The following GSK3B variants were observed in gnomAD, a reference collection of about 807,000 sequenced individuals.
GSK3B encodes the protein glycogen synthase kinase-3 beta.
A neutral mutation model predicts 56.4 loss-of-function variants in GSK3B; 15 were observed. That is an observed-to-expected ratio of 0.27 (90% confidence interval 0.18 to 0.41). The LOEUF (loss-of-function observed/expected upper bound fraction) is 0.41, where lower values mean the gene tolerates loss of function less well. Among genes scored for constraint, GSK3B ranks in the 10% least tolerant of loss-of-function variants. The pLI, the probability that GSK3B is intolerant of heterozygous loss-of-function variation, is 1.00. For synonymous variants in GSK3B, 181 were observed against 188.9 expected, an observed-to-expected ratio of 0.96 and a Z score of 0.34; for missense variants, 300 against 513.4, an observed-to-expected ratio of 0.58 and a Z score of 4.02.
intron 10 of GSK3B, among the ~76,000 whole-genome samples, chr3:119,830,790 C>T (rs771098247): frequency 1.2e-4 from 19 of 152,148 alleles, no homozygotes; most frequent in Middle Eastern, 3.2e-3. Context: ...TTTTGGAACA[C>T]GTTATTTAAT....
intron 1 of GSK3B, among the ~76,000 whole-genome samples, chr3:120,036,792 CAAAAAA>C (rs560163237): frequency 4.7e-5 from 3 of 64,336 alleles, no homozygotes; most frequent in South Asian, 1.2e-3. Context: ...GACTCCGACT[CAAAAAA>C]AAAAAAAAAA....
intron 2 of GSK3B, among the ~76,000 whole-genome samples, chr3:119,954,733 G>C (rs1023250151): frequency 1.3e-5 from 2 of 152,132 alleles, no homozygotes; most frequent in African/African-American, 2.4e-5. Context: ...CTCTAGAGTA[G>C]ACATGGAGGC....
chr3:119,910,290 C>T (rs897357082), intron 6 of GSK3B, among the ~76,000 whole-genome samples: 2 of 152,028 alleles, frequency 1.3e-5, no homozygotes, highest in Non-Finnish European at 1.5e-5. Context: ...TACAGGCATA[C>T]GTCAGAGATG....
Position 119,983,978 on chromosome 3 carries a change from T to A in GSK3B, c.282+18068A>T, listed in dbSNP as rs187550822. 1.7e-3 allele frequency among the ~76,000 whole-genome samples: 252 copies of A among 152,242 alleles called. 2 individuals are homozygous for A. The highest frequency in any genetic ancestry group is 7.5e-3 in the Admixed American group (115 of 15,286). ...GAAGTAAAGCACTCCTCAGCAAATG[T>A]AAAAGGACAGAAAGCACAACAAACT... On this transcript the variant is annotated intron_variant, in intron 2 of 10. Coordinates refer to ENST00000264235, the MANE Select transcript of GSK3B (RefSeq NM_001146156.2).
Position 119,833,789 on chromosome 3 carries a change from G to A in GSK3B, c.1196-6934C>T, listed in dbSNP as rs1331172654. Among the ~76,000 whole-genome samples the A allele has an allele frequency of 2.7e-5, 4 of 148,908 alleles. No individual in the cohort carries two copies. In the Admixed American group the frequency reaches 2.7e-4, roughly 10 times the overall value. ...CAGCTCACTGCAACCTCTGCTTCCT[G>A]GGTTCAAGGGATTCTCCTGGCTTCC... is the stretch of plus-strand genomic sequence containing the variant. On this transcript the variant is annotated intron_variant, in intron 10 of 10. Coordinates refer to ENST00000264235, the MANE Select transcript of GSK3B (RefSeq NM_001146156.2).
At chr3:120,029,400 A>G (rs192075944) in intron 1 of GSK3B, 70 of 763,366 alleles carry the variant, frequency 9.2e-5, no homozygotes, top group Non-Finnish European at 1.4e-4. Flanking sequence ...CTTATTTCAC[A>G]TGGCAGCAAA....
chr3:120,005,083 T>C (rs184679960), intron 1 of GSK3B, among the ~76,000 whole-genome samples: 120 of 152,160 alleles, frequency 7.9e-4, no homozygotes, highest in Middle Eastern at 3.4e-3. Context: ...AGAGCTTAAA[T>C]GACCTGATGA....
chr3:119,960,792 A>G (rs2057264202), intron 2 of GSK3B, among the ~76,000 whole-genome samples: 1 of 152,090 alleles, frequency 6.6e-6, no homozygotes, highest in African/African-American at 2.4e-5. Flanking sequence ...CATTATATCT[A>G]TTTTGCATAT....
chr3:119,885,868 C>A (rs1009628232), intron 7 of GSK3B, among the ~76,000 whole-genome samples: 1 of 152,004 alleles, frequency 6.6e-6, no homozygotes, highest in Admixed American at 6.6e-5. Flanking sequence ...GAAACTGGAC[C>A]CCTATCTTTC....
At chr3:119,968,713 A>G (rs1432198455) in intron 2 of GSK3B, among the ~76,000 whole-genome samples, 1 of 152,222 alleles carries the variant, frequency 6.6e-6, no homozygotes, top group Admixed American at 6.5e-5. Context: ...TGCCAAAAAA[A>G]AATAAGGGAT....
chr3:119,830,071 C>T (rs2107996869), intron 10 of GSK3B, among the ~76,000 whole-genome samples: 1 of 151,878 alleles, frequency 6.6e-6, no homozygotes, highest in South Asian at 2.1e-4. Context: ...AAAAGTAAAA[C>T]AAAAAAAGGC....
chr3:119,996,933 C>A (rs2057623928), intron 2 of GSK3B, among the ~76,000 whole-genome samples: 1 of 151,912 alleles, frequency 6.6e-6, no homozygotes, highest in African/African-American at 2.4e-5. Context: ...ACACCTGGAG[C>A]AAACAGGATT....
chr3:119,890,524 G>T (rs2056489959), intron 7 of GSK3B, among the ~76,000 whole-genome samples: 1 of 152,082 alleles, frequency 6.6e-6, no homozygotes, highest in Non-Finnish European at 1.5e-5. Context: ...ATCCCAGTTT[G>T]CCTGGGACCA....
intron 7 of GSK3B, among the ~76,000 whole-genome samples, chr3:119,904,400 G>C (rs1384788830): frequency 6.6e-6 from 1 of 152,078 alleles, no homozygotes; most frequent in Non-Finnish European, 1.5e-5. Flanking sequence ...GATTAGATAG[G>C]AAACTCAAAA....
chr3:119,888,849 T>C (rs971246319), intron 7 of GSK3B, among the ~76,000 whole-genome samples: 1 of 152,050 alleles, frequency 6.6e-6, no homozygotes. Context: ...GGAGTGTCTG[T>C]CTTATGCCAT....
At chr3:120,006,641 G>T (rs2057731031) in intron 1 of GSK3B, among the ~76,000 whole-genome samples, 2 of 152,174 alleles carry the variant, frequency 1.3e-5, no homozygotes, top group Admixed American at 1.3e-4. Flanking sequence ...CATGGAAACT[G>T]AACAACCTGC....
intron 1 of GSK3B, among the ~76,000 whole-genome samples, chr3:120,083,031 ATAAAATGATACAAAG>A (rs2058434313): frequency 1.3e-5 from 2 of 152,178 alleles, no homozygotes; most frequent in Non-Finnish European, 2.9e-5. Flanking sequence ...TAATCACTTA[ATAAAATGATACAAAG>A]TAACCTTCCA....
intron 3 of GSK3B, among the ~76,000 whole-genome samples, chr3:119,945,732 G>GT (rs1228830553): frequency 3.9e-5 from 6 of 152,204 alleles, no homozygotes; most frequent in Admixed American, 1.3e-4. Flanking sequence ...ATACATTAAA[G>GT]TAAGTAATCA....
chr3:120,042,424 T>C (rs960083460), intron 1 of GSK3B, among the ~76,000 whole-genome samples: 3 of 152,242 alleles, frequency 2.0e-5, no homozygotes, highest in Non-Finnish European at 4.4e-5. Flanking sequence ...AAACGGGTTA[T>C]AGATAGTTGC....
Sources: allele counts gnomAD v4.1 joint callset (sites outside exome capture counted in the v4.1 genomes callset), GRCh38; gene constraint gnomAD v4.1.1; transcripts MANE v1.5; gene names NCBI Gene and HGNC (gene_info 2026-07-23, HGNC 2026-07-21).